The following PDE1A variants were observed in gnomAD, a reference collection of about 807,000 sequenced individuals.
PDE1A encodes the protein dual specificity calcium/calmodulin-dependent 3',5'-cyclic nucleotide phosphodiesterase 1A.
Under a neutral mutation model 61.7 loss-of-function variants are expected in PDE1A, and 35 were observed. That is an observed-to-expected ratio of 0.57 (90% CI 0.43 to 0.75). The LOEUF (loss-of-function observed/expected upper bound fraction) is 0.75. Among genes scored for constraint, PDE1A ranks in the 30% least tolerant of loss-of-function variants. The pLI is 0.00. For missense variants in PDE1A, 597 were observed against 630.6 expected, an observed-to-expected ratio of 0.95 and a Z score of 0.57; for synonymous variants, 232 against 213.2, an observed-to-expected ratio of 1.09 and a Z score of -0.77.
intron 1 of PDE1A, among the ~76,000 whole-genome samples, chr2:182,398,288 G>A (rs113736720): frequency 0.014 from 2,170 of 151,684 alleles, 15 homozygotes; most frequent in Middle Eastern, 0.027. Context: ...GAATTACAAC[G>A]CAAACTGTCA....
chr2:182,191,773 A>G (rs1260690649), intron 10 of PDE1A, among the ~76,000 whole-genome samples: 1 of 148,364 alleles, frequency 6.7e-6, no homozygotes, highest in Non-Finnish European at 1.5e-5. Flanking sequence ...GTATTTTTAT[A>G]CTCTGTGGTA....
intron 7 of PDE1A, among the ~76,000 whole-genome samples, chr2:182,208,378 C>A (rs1559186496): frequency 6.6e-6 from 1 of 152,048 alleles, no homozygotes; most frequent in Non-Finnish European, 1.5e-5. Flanking sequence ...GGGGATGCTG[C>A]CACTTTTAAA....
chr2:182,711,681 G>A, the PDE1A span, among the ~76,000 whole-genome samples: 2 of 152,108 alleles, frequency 1.3e-5, no homozygotes, highest in Admixed American at 6.6e-5. Context: ...GATGAGCCTC[G>A]AACATCTTAT....
chr2:182,584,336 A>G, the PDE1A span, among the ~76,000 whole-genome samples: 1 of 152,218 alleles, frequency 6.6e-6, no homozygotes, highest in Non-Finnish European at 1.5e-5. Context: ...GCAGCTCTAG[A>G]GATCTTGCAA....
At chr2:182,593,962 C>T in the PDE1A span, among the ~76,000 whole-genome samples, 1 of 152,172 alleles carries the variant, frequency 6.6e-6, no homozygotes, top group Non-Finnish European at 1.5e-5. Context: ...GTCACTTCTT[C>T]TATCCAGAAG....
At chr2:182,306,620 ATT>A (rs1695603453) in intron 1 of PDE1A, among the ~76,000 whole-genome samples, 2 of 152,180 alleles carry the variant, frequency 1.3e-5, no homozygotes, top group Non-Finnish European at 2.9e-5. Flanking sequence ...AAATAGACAC[ATT>A]TGCCAATGGA....
intron 7 of PDE1A, among the ~76,000 whole-genome samples, chr2:182,219,383 T>C (rs771399060): frequency 6.6e-6 from 1 of 152,098 alleles, no homozygotes; most frequent in Non-Finnish European, 1.5e-5. Flanking sequence ...TTCTCAGATC[T>C]GTATAATGGA....
At chr2:182,240,021 A>G in intron 3 of PDE1A, 89 bp downstream of exon 3, 1 of 1,138,920 alleles carries the variant, frequency 8.8e-7, no homozygotes, top group Non-Finnish European at 1.2e-6. Context: ...TCAATAAGTG[A>G]AATATAGACT....
At chr2:182,678,295 C>A in the PDE1A span, among the ~76,000 whole-genome samples, 3 of 152,022 alleles carry the variant, frequency 2.0e-5, no homozygotes, top group Non-Finnish European at 4.4e-5. Flanking sequence ...TGGTGGTGGG[C>A]GCCTGTAATC....
chr2:182,581,666 G>A, the PDE1A span, among the ~76,000 whole-genome samples: 2 of 152,126 alleles, frequency 1.3e-5, no homozygotes, highest in African/African-American at 4.8e-5. Context: ...AGTTAGTATA[G>A]GACACCCAAG....
At chr2:182,440,372 C>T (rs11689230) in intron 2 of PDE1A, among the ~76,000 whole-genome samples, 51,931 of 151,748 alleles carry the variant, frequency 0.34, 9,395 homozygotes, top group South Asian at 0.49. Context: ...CATTCTGGGA[C>T]GCAATTATCA....
At chr2:182,340,972 A>G (rs1321668950) in intron 1 of PDE1A, among the ~76,000 whole-genome samples, 1 of 152,166 alleles carries the variant, frequency 6.6e-6, no homozygotes, top group African/African-American at 2.4e-5. Context: ...CTCTGACTTA[A>G]AGTGTTATTT....
intron 10 of PDE1A, among the ~76,000 whole-genome samples, chr2:182,197,587 A>G (rs1037018791): frequency 3.3e-5 from 5 of 151,796 alleles, no homozygotes; most frequent in Non-Finnish European, 5.9e-5. Flanking sequence ...AGGTGTAGGT[A>G]GGGGACAAGT....
intron 2 of PDE1A, among the ~76,000 whole-genome samples, chr2:182,519,295 A>C (rs959261338): frequency 1.3e-5 from 2 of 152,070 alleles, no homozygotes; most frequent in African/African-American, 4.8e-5. Context: ...TTCTTTTTAA[A>C]TCTAATTTAT....
intron 1 of PDE1A, among the ~76,000 whole-genome samples, chr2:182,310,816 C>A (rs1282701085): frequency 6.6e-6 from 1 of 152,178 alleles, no homozygotes; most frequent in Non-Finnish European, 1.5e-5. Flanking sequence ...GAACCCAGCT[C>A]AAACTATATC....
intron 2 of PDE1A, among the ~76,000 whole-genome samples, chr2:182,504,980 T>C (rs1473810555): frequency 1.3e-5 from 2 of 152,244 alleles, no homozygotes; most frequent in Non-Finnish European, 2.9e-5. Flanking sequence ...AACAACATGT[T>C]GTAGCCTGGA....
intron 1 of PDE1A, among the ~76,000 whole-genome samples, chr2:182,264,889 A>ATATATATATATATG (rs1223035626): frequency 7.1e-6 from 1 of 140,272 alleles, no homozygotes; most frequent in Non-Finnish European, 1.5e-5. Context: ...ATATATATAT[A>ATATATATATATATG]TATGTATATA....
At chr2:182,575,461 T>A in the PDE1A span, among the ~76,000 whole-genome samples, 1 of 151,632 alleles carries the variant, frequency 6.6e-6, no homozygotes, top group African/African-American at 2.4e-5. Context: ...TTGTTGTGAC[T>A]CCTGGTGGCA....
chr2:182,404,512 T>A (rs1318898273), intron 1 of PDE1A, among the ~76,000 whole-genome samples: 1 of 152,252 alleles, frequency 6.6e-6, no homozygotes, highest in Non-Finnish European at 1.5e-5. Context: ...TTACAAACTT[T>A]TAAATTAAAA....
Sources: allele counts gnomAD v4.1 joint callset (sites outside exome capture counted in the v4.1 genomes callset), GRCh38; gene constraint gnomAD v4.1.1; transcripts MANE v1.5; gene names NCBI Gene and HGNC (gene_info 2026-07-23, HGNC 2026-07-21).